TRDN: variants seen among roughly 807,000 people sequenced by gnomAD.
TRDN encodes the protein triadin in skeletal muscle.
In TRDN, 161 loss-of-function variants were observed where a neutral mutation model predicts 149.7. That is an observed-to-expected ratio of 1.08 (90% confidence interval 0.95 to 1.23). The LOEUF (loss-of-function observed/expected upper bound fraction) is 1.23. Ranked by LOEUF, TRDN falls within the 50% of genes most tolerant of loss-of-function variation. The pLI is 0.00. For synonymous variants in TRDN, 294 were observed against 250.5 expected, an observed-to-expected ratio of 1.17 and a Z score of -1.64; for missense variants, 896 against 823.5, an observed-to-expected ratio of 1.09 and a Z score of -1.08.
chr6:123,447,461 A>G (rs1775454666), intron 10 of TRDN, among the ~76,000 whole-genome samples: 2 of 152,114 alleles, frequency 1.3e-5, no homozygotes, highest in Admixed American at 1.3e-4. Context: ...GGCTGAGTGG[A>G]GTGGAAAGCT....
intron 10 of TRDN, among the ~76,000 whole-genome samples, chr6:123,450,906 A>T (rs1775729645): frequency 6.6e-6 from 1 of 152,180 alleles, no homozygotes; most frequent in South Asian, 2.1e-4. Flanking sequence ...GCACTCTCTC[A>T]GACCACAGTG....
At chr6:123,471,997 T>A (rs927842420) in intron 9 of TRDN, among the ~76,000 whole-genome samples, 2 of 152,214 alleles carry the variant, frequency 1.3e-5, no homozygotes, top group Non-Finnish European at 2.9e-5. Flanking sequence ...ATACCCTAAT[T>A]TTTAAGATAG....
intron 21 of TRDN, chr6:123,351,355 T>A (rs1780457130): frequency 1.0e-6 from 1 of 979,212 alleles, no homozygotes; most frequent in Non-Finnish European, 1.2e-6. Context: ...TTTAAAAAAA[T>A]AAATTTAGAC....
At chr6:123,442,827 A>C (rs1046697671) in intron 10 of TRDN, among the ~76,000 whole-genome samples, 11 of 152,108 alleles carry the variant, frequency 7.2e-5, no homozygotes, top group African/African-American at 2.4e-4. Context: ...GTATTAAGAA[A>C]CTAAAGGGAA....
At chr6:123,620,890 T>C (rs1785347850) in intron 1 of TRDN, among the ~76,000 whole-genome samples, 1 of 152,058 alleles carries the variant, frequency 6.6e-6, no homozygotes, top group South Asian at 2.1e-4. Flanking sequence ...GATAAAAGTG[T>C]ACCAAGGATC....
At chr6:123,477,877 G>A (rs1777566623) in intron 9 of TRDN, among the ~76,000 whole-genome samples, 1 of 149,578 alleles carries the variant, frequency 6.7e-6, no homozygotes, top group African/African-American at 2.5e-5. Context: ...CATGGACACA[G>A]GAAGGGGAAT....
chr6:123,247,064 A>G lies in TRDN; in HGVS notation c.1975+5348T>C, dbSNP rs1191401859. 2.0e-5 allele frequency among the ~76,000 whole-genome samples: 3 copies of G among 152,244 alleles called. No homozygotes were observed. In the East Asian group the frequency reaches 5.8e-4, roughly 29 times the overall value. ...ATTAAATTCAACACTCCTTCATGCT[A>G]AAAACACTCAATAAACTAGGTATTG... On this transcript the variant is annotated intron_variant, in intron 38 of 40. Coordinates refer to ENST00000334268, the MANE Select transcript of TRDN (RefSeq NM_006073.4).
intron 1 of TRDN, among the ~76,000 whole-genome samples, chr6:123,628,168 C>G (rs562463418): frequency 7.4e-4 from 112 of 152,320 alleles, no homozygotes; most frequent in African/African-American, 2.6e-3. Context: ...CCTATCTTGG[C>G]TTTTGGCATG....
At chr6:123,596,433 G>A (rs975935837) in intron 1 of TRDN, among the ~76,000 whole-genome samples, 2 of 152,108 alleles carry the variant, frequency 1.3e-5, no homozygotes, top group African/African-American at 4.8e-5. Flanking sequence ...GTGTCCAGAA[G>A]ATCTAGCTAA....
At chr6:123,437,051 G>A (rs1415289858) in intron 12 of TRDN, among the ~76,000 whole-genome samples, 2 of 151,926 alleles carry the variant, frequency 1.3e-5, no homozygotes, top group African/African-American at 2.4e-5. Context: ...AACCTGAATC[G>A]AAGCCAATAT....
In TRDN at chr6:123,352,351, C is replaced by T. The variant is rs1780492366; in HGVS notation, c.1369+188G>A. 3.0e-6 allele frequency: 3 copies of T among 984,952 alleles called. No homozygotes were observed. In the South Asian group the frequency reaches 1.4e-4, roughly 46 times the overall value. 61.0% of individuals were successfully genotyped at this position (984,952 alleles called of 1,614,324 possible). A position where few individuals can be genotyped will look rare whatever the true frequency, so the allele number is the denominator to read the frequency against. On this transcript the variant is annotated intron_variant, in intron 21 of 40. Transcript: ENST00000334268. ...GGAACTGATATTCAAAGTTCAGTTA[C>T]ACAAAAGAAAGACCAACCCAGATTG...
intron 8 of TRDN, among the ~76,000 whole-genome samples, chr6:123,501,667 G>A (rs774678359): frequency 6.6e-6 from 1 of 151,948 alleles, no homozygotes; most frequent in Non-Finnish European, 1.5e-5. Context: ...ATAATTGATG[G>A]CAATTGTTCT....
chr6:123,507,316 G>T (rs1382277525), intron 7 of TRDN, among the ~76,000 whole-genome samples: 1 of 151,978 alleles, frequency 6.6e-6, no homozygotes, highest in East Asian at 1.9e-4. Flanking sequence ...TCTTTTTAAT[G>T]CCATTATAAT....
intron 23 of TRDN, among the ~76,000 whole-genome samples, chr6:123,326,927 G>A (rs924713869): frequency 1.3e-5 from 2 of 151,908 alleles, no homozygotes; most frequent in African/African-American, 2.4e-5. Flanking sequence ...TTTTTCTAAT[G>A]TGTGGCTAAT....
Position 123,377,733 on chromosome 6 carries a change from G to T in TRDN, c.1229C>A (p.Pro410Gln), listed in dbSNP as rs749629680. 3 of 1,612,800 alleles carry T rather than the reference G, an allele frequency of 1.9e-6. No individual in the cohort carries two copies. The highest frequency in any genetic ancestry group is 2.5e-6 in the Non-Finnish European group (3 of 1,179,520). ...TTACTCACCTGAGTGTTCTTTCTTT[G>T]GTGACTTTGCTGTATCAAAAAGGAA... ...KEKHVEPAKS[P>Q]KKEHSVPSDK... The change falls in exon 18 of 41, where the codon CCA becomes CAA. Residue 410 changes from proline to glutamine, a missense_variant. Physicochemically the swap from Pro to Gln is moderately conservative, Grantham distance 76. Transcript: ENST00000334268.
intron 32 of TRDN, among the ~76,000 whole-genome samples, chr6:123,267,250 T>C (rs1380653570): frequency 6.6e-6 from 1 of 152,012 alleles, no homozygotes; most frequent in East Asian, 1.9e-4. Context: ...ATATTACATA[T>C]TGTAAAAATT....
chr6:123,621,625 G>C (rs768868568), intron 1 of TRDN, among the ~76,000 whole-genome samples: 3 of 152,044 alleles, frequency 2.0e-5, no homozygotes, highest in Non-Finnish European at 2.9e-5. Flanking sequence ...CAACATAGAT[G>C]ACTCTTATAA....
intron 12 of TRDN, 96 bp downstream of exon 12, chr6:123,437,967 T>C: frequency 9.3e-7 from 1 of 1,077,334 alleles, no homozygotes; most frequent in Non-Finnish European, 1.4e-6. Context: ...TAGATATAAG[T>C]AACTGTGTGC....
chr6:123,608,249 A>T (rs568821245), intron 1 of TRDN, among the ~76,000 whole-genome samples: 1 of 152,274 alleles, frequency 6.6e-6, no homozygotes, highest in South Asian at 2.1e-4. Context: ...TAAGTTCCTT[A>T]TCTTTAAGTT....
Sources: gnomAD v4.1 joint callset for allele counts (sites outside exome capture counted in the v4.1 genomes callset) on GRCh38, gnomAD v4.1.1 for gene constraint, MANE v1.5 for transcripts, NCBI Gene and HGNC (gene_info 2026-07-23, HGNC 2026-07-21) for gene names.